The following CCDC171 variants were observed in gnomAD, a reference collection of about 807,000 sequenced individuals.
The protein encoded by CCDC171 is coiled-coil domain containing 171, also known as coiled-coil domain-containing protein 171.
In CCDC171, 177 loss-of-function variants were observed where a neutral mutation model predicts 168.2. The ratio of observed to expected loss-of-function variants is 1.05; its 90% CI spans 0.93 to 1.19. CCDC171 has a LOEUF of 1.19. Among genes scored for constraint, CCDC171 ranks in the 50% most tolerant of loss-of-function variants. The pLI is 0.00. For missense variants in CCDC171, 1,991 were observed against 1,539.0 expected (o/e 1.29, Z -4.91); for synonymous variants, 687 against 540.8 (o/e 1.27, Z -3.75).
At chr9:15,803,117 T>G (rs368568603) in intron 21 of CCDC171, among the ~76,000 whole-genome samples, 22 of 152,194 alleles carry the variant, frequency 1.4e-4, no homozygotes, top group East Asian at 1.9e-4. Context: ...TGGTTGGTTG[T>G]TTGTTTTGTA....
At chr9:15,928,787 A>G (rs1031137072) in intron 25 of CCDC171, among the ~76,000 whole-genome samples, 5 of 151,348 alleles carry the variant, frequency 3.3e-5, no homozygotes, top group Admixed American at 1.3e-4. Flanking sequence ...TGCAAAATAT[A>G]TTTTTTTTGA....
At chr9:16,059,213 AT>A (rs958136627) in intron 1 of CCDC171, among the ~76,000 whole-genome samples, 4 of 152,162 alleles carry the variant, frequency 2.6e-5, no homozygotes, top group African/African-American at 9.7e-5. Context: ...GCACATTTGT[AT>A]TTGCTCATGA....
rs1434442586 is a variant in CCDC171, at chr9:15,817,180, C to T, written c.3268-29522C>T. Among the ~76,000 whole-genome samples, 4 of 117,812 alleles carry T rather than the reference C, an allele frequency of 3.4e-5. 2 individuals are homozygous for T. Among genetic ancestry groups the T allele is most frequent in the Non-Finnish European group, 7.6e-5 (4 of 52,382 alleles). The allele number at this position is 117,812 out of a possible 152,430, so 77.3% of individuals were successfully genotyped here. ...ACAAATCAAAACCAAGAACCTTTGC[C>T]AGTGTGACAGATAAGAAAAGGTGTA... On this transcript the variant is annotated intron_variant, in intron 21 of 25. Coordinates refer to ENST00000380701, the MANE Select transcript of CCDC171 (RefSeq NM_173550.4).
At chr9:15,588,464 C>G (rs2041740456) in intron 4 of CCDC171, 1 of 292,544 alleles carries the variant, frequency 3.4e-6, no homozygotes, top group South Asian at 3.7e-5. Context: ...GAGCGCAAGC[C>G]CAAAAAGCCT....
chr9:16,095,565 A>G, the CCDC171 span, among the ~76,000 whole-genome samples: 1 of 151,864 alleles, frequency 6.6e-6, no homozygotes, highest in African/African-American at 2.4e-5. Context: ...TCGCGCACAC[A>G]CATACACACA....
At chr9:15,980,363 C>A (rs1345177241) in intron 3 of CCDC171, among the ~76,000 whole-genome samples, 1 of 152,142 alleles carries the variant, frequency 6.6e-6, no homozygotes, top group East Asian at 1.9e-4. Context: ...GGACTCAAGT[C>A]AGATTTCTTA....
intron 24 of CCDC171, among the ~76,000 whole-genome samples, chr9:15,911,511 A>G (rs898482601): frequency 6.6e-6 from 1 of 152,144 alleles, no homozygotes; most frequent in African/African-American, 2.4e-5. Flanking sequence ...GTTCACTCTG[A>G]TGATAGTTTC....
chr9:15,740,686 C>T (rs760737510), intron 16 of CCDC171, among the ~76,000 whole-genome samples: 7 of 151,894 alleles, frequency 4.6e-5, no homozygotes, highest in African/African-American at 7.3e-5. Context: ...GTGATCCACC[C>T]GCCTTGGCCT....
the CCDC171 span, among the ~76,000 whole-genome samples, chr9:16,093,156 G>T: frequency 5.9e-5 from 9 of 152,226 alleles, no homozygotes; most frequent in Admixed American, 5.9e-4. Flanking sequence ...TCAAATAAGG[G>T]ACCTGCAAAG....
At chr9:15,655,789 A>G (rs992896740) in intron 7 of CCDC171, among the ~76,000 whole-genome samples, 5 of 152,246 alleles carry the variant, frequency 3.3e-5, no homozygotes, top group Non-Finnish European at 5.9e-5. Flanking sequence ...CACAGTTGGC[A>G]AATAGGTACA....
chr9:15,932,387 TTTTC>T (rs1023316049), intron 25 of CCDC171, among the ~76,000 whole-genome samples: 9 of 151,870 alleles, frequency 5.9e-5, no homozygotes, highest in Non-Finnish European at 8.8e-5. Context: ...AACGGAATTG[TTTTC>T]TTTATTTCTT....
chr9:15,862,700 C>G (rs2061612758), intron 23 of CCDC171, among the ~76,000 whole-genome samples: 1 of 151,800 alleles, frequency 6.6e-6, no homozygotes, highest in Admixed American at 6.6e-5. Context: ...AGACCTTCAC[C>G]AATAAACTTG....
intron 8 of CCDC171, among the ~76,000 whole-genome samples, chr9:15,663,608 C>T (rs1163518432): frequency 2.5e-4 from 31 of 123,228 alleles, no homozygotes; most frequent in Middle Eastern, 4.1e-3. Context: ...CTTTTTTTTT[C>T]TTTTTTTTTT....
chr9:15,576,159 G>GTA (rs1272335238), intron 3 of CCDC171, among the ~76,000 whole-genome samples: 26 of 139,774 alleles, frequency 1.9e-4, no homozygotes, highest in African/African-American at 4.7e-4. Flanking sequence ...GTGTGTGTGT[G>GTA]TATATACATG....
At position 16,006,885 on chromosome 9, in the gene CCDC171, T is replaced by C. The variant is rs564760314; in HGVS notation, n.369-13704T>C. Among the ~76,000 whole-genome samples the C allele has an allele frequency of 3.9e-5, 6 of 152,318 alleles. No homozygotes were observed. The South Asian group carries it at 1.2e-3, about 32-fold the overall frequency. ...TTTGCTGTTGTGAATAGTACCGCAA[T>C]AAACATACGTGTGCATGTGTCTTTA... On this transcript the variant is annotated intron_variant and non_coding_transcript_variant, in intron 3 of 9. Coordinates refer to the CCDC171 transcript ENST00000486641.
At chr9:15,585,809 C>G (rs1444035075) in intron 4 of CCDC171, among the ~76,000 whole-genome samples, 3 of 152,086 alleles carry the variant, frequency 2.0e-5, no homozygotes, top group Non-Finnish European at 2.9e-5. Flanking sequence ...GAAACCCCAT[C>G]TCTACTAAAA....
intron 23 of CCDC171, among the ~76,000 whole-genome samples, chr9:15,866,211 G>A (rs370151159): frequency 1.3e-5 from 2 of 151,954 alleles, no homozygotes; most frequent in Non-Finnish European, 2.9e-5. Context: ...CAGGGTTTAA[G>A]CTAGGGGTTG....
At chr9:15,980,071 A>G (rs1437124991) in intron 3 of CCDC171, among the ~76,000 whole-genome samples, 2 of 152,190 alleles carry the variant, frequency 1.3e-5, no homozygotes, top group Admixed American at 6.5e-5. Flanking sequence ...GGACTTGAGA[A>G]TAACTGAAGG....
intron 24 of CCDC171, among the ~76,000 whole-genome samples, chr9:15,907,077 C>G (rs1304801834): frequency 6.6e-6 from 1 of 152,182 alleles, no homozygotes; most frequent in Non-Finnish European, 1.5e-5. Context: ...AATGGCCATA[C>G]TTTCCAAGGT....
Sources: gnomAD v4.1 joint callset for allele counts (sites outside exome capture counted in the v4.1 genomes callset) on GRCh38, gnomAD v4.1.1 for gene constraint, MANE v1.5 for transcripts, NCBI Gene and HGNC (gene_info 2026-07-23, HGNC 2026-07-21) for gene names.